The following SLC27A3 variants were observed in gnomAD, a reference collection of about 807,000 sequenced individuals.
The protein encoded by SLC27A3 is solute carrier family 27 member 3, also known as long-chain fatty acid transport protein 3.
In SLC27A3, 60 loss-of-function variants were observed where a neutral mutation model predicts 60.1. That is an observed-to-expected ratio of 1.00 (90% CI 0.81 to 1.24). The LOEUF (loss-of-function observed/expected upper bound fraction) is 1.24, where lower values mean the gene tolerates loss of function less well. Ranked by LOEUF, SLC27A3 falls within the 50% of genes most tolerant of loss-of-function variation. The pLI is 0.00. For synonymous variants in SLC27A3, 455 were observed against 409.0 expected (o/e 1.11, Z -1.36); for missense variants, 1,079 against 929.9 (o/e 1.16, Z -2.09).
rs1673139881 is a variant in SLC27A3 at position 153,775,486 on chromosome 1, G to A, written c.-12G>A. 2 of 1,613,316 alleles carry A rather than the reference G, an allele frequency of 1.2e-6. No homozygotes were observed. The highest frequency in any genetic ancestry group is 1.7e-6 in the Non-Finnish European group (2 of 1,180,038). On this transcript the variant is annotated 5_prime_UTR_variant, in exon 1 of 10. Transcript: ENST00000624995. ...CTGGAACCAGACGGTGCCGATAGAG[G>A]AAGCGGGCTCCATGGCTGCCCTCCT...
rs780189337 is a variant in SLC27A3 at position 153,778,375 on chromosome 1, C to A, written c.1356+20C>A. 6 of 1,613,720 alleles carry A rather than the reference C, an allele frequency of 3.7e-6. No individual in the cohort carries two copies. The highest frequency in any genetic ancestry group is 4.5e-5 in the East Asian group (2 of 44,882). ...TACAAGGTGAGGGGCAGAGAGGAAACTGAAAACCCGTGGAACAGCAGAGGG... is the reference window on the plus strand; with the variant it reads ...TACAAGGTGAGGGGCAGAGAGGAAAATGAAAACCCGTGGAACAGCAGAGGG... On this transcript the variant is annotated intron_variant, in intron 5 of 9. Transcript: ENST00000624995.
At chr1:153,776,279 T>A in intron 1 of SLC27A3, 115 bp downstream of exon 1, 1 of 1,421,210 alleles carries the variant, frequency 7.0e-7, no homozygotes, top group South Asian at 1.6e-5. Context: ...CGACTATCCC[T>A]TGGGGTTCGA....
At position 153,779,382 on chromosome 1, in the gene SLC27A3, GT is replaced by G. The variant is rs1202063612; in HGVS notation, c.1785del (p.His598ThrfsTer65). On this transcript the variant is annotated frameshift_variant, in exon 9 of 10. Transcript: ENST00000624995. LOFTEE classifies it high-confidence loss of function. Reference sequence around the variant, plus strand: ...GCTGGAATGGCAGCCCTAGTTCTGCGTCCCCCCCACGCTTTGGACCTTATGC... The same window carrying G: ...GCTGGAATGGCAGCCCTAGTTCTGCGCCCCCCCACGCTTTGGACCTTATGC... Reference protein sequence around the residue: ...GRAGMAALVLRPPHALDLMQL... With the variant: ...GRAGMAALVLXPPHALDLMQL... The G allele has an allele frequency of 3.1e-6, 5 of 1,613,840 alleles. No homozygotes were observed. The highest frequency in any genetic ancestry group is 2.2e-5 in the South Asian group (2 of 91,082).
intron 1 of SLC27A3, 66 bp downstream of exon 1, chr1:153,776,230 CAGAA>C: frequency 7.1e-7 from 1 of 1,405,690 alleles, no homozygotes. Context: ...TCGGAGACCA[CAGAA>C]AGGCTTGGTC....
In SLC27A3 at chr1:153,775,474, G is replaced by A. The variant is rs1353644915; in HGVS notation, c.-24G>A. The A allele has an allele frequency of 1.9e-6, 3 of 1,613,114 alleles. No individual in the cohort carries two copies. Among genetic ancestry groups the A allele is most frequent in the South Asian group, 1.1e-5 (1 of 91,090 alleles). ...GTTTGCGAGCGGCTGGAACCAGACG[G>A]TGCCGATAGAGGAAGCGGGCTCCAT... On this transcript the variant is annotated 5_prime_UTR_variant, in exon 1 of 10. The change creates a new upstream start codon in the 5' untranslated region. Coordinates refer to ENST00000624995, the MANE Select transcript of SLC27A3 (RefSeq NM_024330.4).
chr1:153,776,866 TC>T, intron 2 of SLC27A3, 139 bp downstream of exon 2: 4 of 924,102 alleles, frequency 4.3e-6, no homozygotes, highest in South Asian at 3.2e-5. Context: ...ATCATTTCAC[TC>T]CCCAGTCTCC....
chr1:153,777,403 G>A (rs1394225999), intron 3 of SLC27A3, 183 bp downstream of exon 3: 1 of 735,898 alleles, frequency 1.4e-6, no homozygotes, highest in Non-Finnish European at 2.2e-6. Context: ...GGAACGGTGA[G>A]GGGGGCCATA....
chr1:153,778,348 T>C lies in SLC27A3; in HGVS notation c.1349T>C (p.Leu450Pro), dbSNP rs1165268294. ...QRGAVGRASW[L>P]YKHIFPFSLI... ...GGCGCTGTGGGGCGTGCTTCCTGGC[T>C]TTACAAGGTGAGGGGCAGAGAGGAA... is the stretch of plus-strand genomic sequence containing the variant. The change falls in exon 5 of 10, where the codon CTT becomes CCT. Residue 450 changes from leucine to proline, a missense_variant. Leu to Pro is a moderately conservative substitution (Grantham distance 98). Coordinates refer to ENST00000624995, the MANE Select transcript of SLC27A3 (RefSeq NM_024330.4). 9.3e-6 allele frequency: 15 copies of C among 1,613,818 alleles called. No homozygotes were observed. The highest frequency in any genetic ancestry group is 3.3e-4 in the Middle Eastern group (2 of 6,084).
intron 9 of SLC27A3, 72 bp downstream of exon 9, chr1:153,779,545 A>G: frequency 6.5e-7 from 1 of 1,531,144 alleles, no homozygotes; most frequent in Non-Finnish European, 8.8e-7. Context: ...CCGTGTATCA[A>G]CTTAGGAGTT....
intron 7 of SLC27A3, 90 bp downstream of exon 7, chr1:153,778,975 A>G: frequency 6.8e-7 from 1 of 1,474,988 alleles, no homozygotes; most frequent in Middle Eastern, 1.8e-4. Context: ...TGCCACCTCA[A>G]CCTGGGTCCT....
At position 153,779,418 on chromosome 1, in the gene SLC27A3, C is replaced by T; in HGVS notation, c.1820C>T (p.Thr607Ile). 3.1e-6 allele frequency: 5 copies of T among 1,614,042 alleles called. No individual in the cohort carries two copies. Among genetic ancestry groups the T allele is most frequent in the Non-Finnish European group, 3.4e-6 (4 of 1,179,992 alleles). Residue 607 changes from threonine (T) to isoleucine (I), a missense_variant, in exon 9 of 10, where the codon ACC becomes ATC. Thr to Ile is a moderately conservative substitution (Grantham distance 89). Coordinates refer to ENST00000624995, the MANE Select transcript of SLC27A3 (RefSeq NM_024330.4). ...PHALDLMQLY[T>I]HVSENLPPYA... ...GCTTTGGACCTTATGCAGCTCTACA[C>T]CCACGTGTCTGAGAACTTGCCACCT...
Position 153,775,575 on chromosome 1 carries a change from G to A in SLC27A3, c.78G>A (p.Leu26=). 1 of 1,609,270 alleles carries A rather than the reference G, an allele frequency of 6.2e-7. No homozygotes were observed. Among genetic ancestry groups the A allele is most frequent in the Non-Finnish European group, 8.5e-7 (1 of 1,179,284 alleles). The change falls in exon 1 of 10, where the codon TTG becomes TTA. Residue 26 remains leucine, a synonymous_variant. Transcript: ENST00000624995. ...TGAAGCTACACCTCTGGCCGCAGTT[G>A]CGCTGGCTTCCGGCGGACTTGGCCT... ...LLLKLHLWPQ[L]RWLPADLAFA... is the part of the protein sequence containing the mutation.
At chr1:153,777,517 G>C in intron 3 of SLC27A3, 1 of 617,140 alleles carries the variant, frequency 1.6e-6, no homozygotes, top group Non-Finnish European at 2.8e-6. Flanking sequence ...GGAAGTGAGA[G>C]TGTGGAGGAT....
chr1:153,778,110 G>C, intron 4 of SLC27A3, 51 bp from the exon 5 acceptor site: 1 of 1,561,710 alleles, frequency 6.4e-7, no homozygotes, highest in Admixed American at 1.8e-5. Context: ...TTCACTTCCG[G>C]GAGCGGGCAT....
At position 153,778,606 on chromosome 1, in the gene SLC27A3, C is replaced by T. The variant is rs891022611; in HGVS notation, c.1447+53C>T. 18 of 1,608,830 alleles carry T rather than the reference C, an allele frequency of 1.1e-5. No homozygotes were observed. In the African/African-American group the frequency reaches 2.1e-4, roughly 19 times the overall value. ...GGGTGCTGAAGCTGGCACAGGAGGA[C>T]TGGAATTGGAGACTGGGGTGGATGG... On this transcript the variant is annotated intron_variant, in intron 6 of 9. Transcript: ENST00000624995.
Position 153,779,912 on chromosome 1 carries a change from A to AGG in SLC27A3, c.1962_1963insGG (p.Leu655GlyfsTer9). On this transcript the variant is annotated frameshift_variant, in exon 10 of 10. Coordinates refer to ENST00000624995, the MANE Select transcript of SLC27A3 (RefSeq NM_024330.4). LOFTEE classifies it low-confidence loss of function (END_TRUNC). Reference sequence around the variant, plus strand: ...TCGACCCCAGCACCCTGTCTGACCCACTGTACGTTCTGGACCAGGCTGTAG... The same window carrying AGG: ...TCGACCCCAGCACCCTGTCTGACCCAGGCTGTACGTTCTGGACCAGGCTGTAG... 1.2e-6 allele frequency: 2 copies of AGG among 1,613,840 alleles called. No individual in the cohort carries two copies. Among genetic ancestry groups the AGG allele is most frequent in the South Asian group, 2.2e-5 (2 of 91,062 alleles).
chr1:153,776,345 G>T, intron 1 of SLC27A3, 173 bp from the exon 2 acceptor site: 1 of 1,362,984 alleles, frequency 7.3e-7, no homozygotes, highest in Non-Finnish European at 9.7e-7. Flanking sequence ...TGAATCTTTG[G>T]TGCCCCAAGG....
rs762083552 is a variant in SLC27A3 at position 153,775,978 on chromosome 1, G to T, written c.481G>T (p.Ala161Ser). 27 of 1,441,488 alleles carry T rather than the reference G, an allele frequency of 1.9e-5. No individual in the cohort carries two copies. Among genetic ancestry groups the T allele is most frequent in the Non-Finnish European group, 2.4e-5 (27 of 1,104,272 alleles). The allele number at this position is 1,441,488 out of a possible 1,614,324, so 89.3% of individuals were successfully genotyped here. A position where few individuals can be genotyped will look rare whatever the true frequency, so the allele number is the denominator to read the frequency against. Residue 161 changes from alanine to serine, a missense_variant, in exon 1 of 10, where the codon GCC (alanine) becomes TCC (serine). Coordinates refer to ENST00000624995, the MANE Select transcript of SLC27A3 (RefSeq NM_024330.4). ...GDGAARGGGA[A>S]APLSPGATVA... ...CGGTGCCGCCAGAGGTGGAGGAGCC[G>T]CCGCCCCTCTGTCACCTGGAGCAAC...
chr1:153,778,104 C>T, intron 4 of SLC27A3, 57 bp from the exon 5 acceptor site: 2 of 1,555,518 alleles, frequency 1.3e-6, no homozygotes, highest in Non-Finnish European at 8.7e-7. Flanking sequence ...CAGGAATTCA[C>T]TTCCGGGAGC....
Sources: allele counts gnomAD v4.1 joint callset, GRCh38; gene constraint gnomAD v4.1.1; transcripts MANE v1.5; gene names NCBI Gene and HGNC (gene_info 2026-07-23, HGNC 2026-07-21).